CBX2: variants seen among roughly 807,000 people sequenced by gnomAD.
CBX2 encodes the protein chromobox protein homolog 2.
A neutral mutation model predicts 21.0 loss-of-function variants in CBX2; 11 were observed. The ratio of observed to expected loss-of-function variants is 0.52; its 90% CI spans 0.33 to 0.87. The LOEUF (loss-of-function observed/expected upper bound fraction) is 0.87, where lower values mean the gene tolerates loss of function less well. CBX2 is among the 40% of genes least tolerant of loss of function. The pLI is 0.02. For synonymous variants in CBX2, 364 were observed against 304.6 expected, an observed-to-expected ratio of 1.19 and a Z score of -2.03; for missense variants, 746 against 724.3, an observed-to-expected ratio of 1.03 and a Z score of -0.34.
At chr17:79,782,021 G>T (rs982816633) in intron 4 of CBX2, 3 of 1,614,046 alleles carry the variant, frequency 1.9e-6, no homozygotes, top group Non-Finnish European at 2.5e-6. Context: ...CCTCCCAGGG[G>T]CTTCCTGCTT....
At position 79,786,551 on chromosome 17, in the gene CBX2, C is replaced by G. The variant is rs1345039098; in HGVS notation, c.*1509C>G. ...TCTGACCAGTATCAGGATTTCTGTT[C>G]TGAGAGCAGCGTGGGCAGCAAGGCA... On this transcript the variant is annotated 3_prime_UTR_variant, in exon 5 of 5. Coordinates refer to ENST00000310942, the MANE Select transcript of CBX2 (RefSeq NM_005189.3). 1 of 152,748 alleles carries G rather than the reference C, an allele frequency of 6.5e-6. No individual in the cohort carries two copies. The highest frequency in any genetic ancestry group is 1.5e-5 in the Non-Finnish European group (1 of 68,118). The allele number at this position is 152,748 out of a possible 1,614,324, so 9.5% of individuals were successfully genotyped here. A position where few individuals can be genotyped will look rare whatever the true frequency, so the allele number is the denominator to read the frequency against.
Position 79,784,756 on chromosome 17 carries a change from G to T in CBX2, c.1313G>T (p.Ser438Ile), listed in dbSNP as rs782287402. ...RDCVKGSATP[S>I]GQESRTAPGE... ...TGTGTCAAGGGCAGTGCTACCCCCA[G>T]TGGGCAGGAGAGCCGCACAGCCCCC... is the stretch of plus-strand genomic sequence containing the variant. Residue 438 changes from serine (S) to isoleucine (I), a missense_variant, in exon 5 of 5, where the codon AGT becomes ATT. Ser to Ile is a moderately radical substitution (Grantham distance 142). Transcript: ENST00000310942. The surrounding 1 kb of genome is among the most constrained non-coding windows in gnomAD (Gnocchi z 5.9). The T allele has an allele frequency of 1.9e-5, 31 of 1,610,996 alleles. No homozygotes were observed. In the African/African-American group the frequency reaches 2.7e-4, roughly 14 times the overall value.
In CBX2 at chr17:79,779,389, C is replaced by T; in HGVS notation, c.144C>T (p.Asn48=). 2 of 1,613,920 alleles carry T rather than the reference C, an allele frequency of 1.2e-6. No homozygotes were observed. The highest frequency in any genetic ancestry group is 1.7e-6 in the Non-Finnish European group (2 of 1,179,992). The change falls in exon 3 of 5, where the codon AAC becomes AAT. Residue 48 remains asparagine, a synonymous_variant. Transcript: ENST00000310942. ...SKHNSWEPEE[N]ILDPRLLLAF... The stretch of plus-strand genomic sequence containing the variant: ...ATAACAGCTGGGAGCCGGAGGAGAA[C>T]ATCCTGGACCCGAGGCTGCTCCTGG...
chr17:79,780,873 C>T (rs1414762490), intron 3 of CBX2, among the ~76,000 whole-genome samples: 1 of 152,166 alleles, frequency 6.6e-6, no homozygotes, highest in Non-Finnish European at 1.5e-5. Flanking sequence ...AGGACCAGCA[C>T]TTAAGAGTAT....
In CBX2 at chr17:79,785,068, T is replaced by A. The variant is rs1555831492; in HGVS notation, c.*26T>A. 1.3e-6 allele frequency: 2 copies of A among 1,572,326 alleles called. No individual in the cohort carries two copies. The highest frequency in any genetic ancestry group is 1.7e-6 in the Non-Finnish European group (2 of 1,155,656). Reference sequence around the variant, plus strand: ...AGCCCCGGCGCCACCAGCTGCGCGGTCTTACTCCCCTTCCCTGCCTATGGT... The same window carrying A: ...AGCCCCGGCGCCACCAGCTGCGCGGACTTACTCCCCTTCCCTGCCTATGGT... On this transcript the variant is annotated 3_prime_UTR_variant, in exon 5 of 5. Coordinates refer to ENST00000310942, the MANE Select transcript of CBX2 (RefSeq NM_005189.3).
At chr17:79,779,464 A>G (rs782269541) in intron 3 of CBX2, 37 bp downstream of exon 3, 11 of 1,571,650 alleles carry the variant, frequency 7.0e-6, no homozygotes, top group East Asian at 2.2e-5. Context: ...GGTGTGGGGG[A>G]GGGACGGTGG....
At chr17:79,777,753 G>A (rs926452470), upstream of CBX2, among the ~76,000 whole-genome samples, 3 of 152,028 alleles carry the variant, frequency 2.0e-5, no homozygotes, top group Non-Finnish European at 4.4e-5. Flanking sequence ...CAGCCGCCGC[G>A]CCCCGTCCCG....
At chr17:79,782,563 T>C in intron 4 of CBX2, 12 of 1,001,688 alleles carry the variant, frequency 1.2e-5, no homozygotes, top group Non-Finnish European at 1.5e-5. Flanking sequence ...ACGAGCTCAG[T>C]CACTAACTGA....
chr17:79,781,951 C>T (rs1190277942), intron 4 of CBX2, 150 bp downstream of exon 4: 3 of 1,614,092 alleles, frequency 1.9e-6, no homozygotes, highest in African/African-American at 1.3e-5. Flanking sequence ...AGCCCCCTTT[C>T]TTCCTGTCTC....
In CBX2 at chr17:79,778,329, C is replaced by T. The variant is rs1906891152; in HGVS notation, c.72+22C>T. The T allele has an allele frequency of 6.4e-7, 1 of 1,565,636 alleles. No individual in the cohort carries two copies. The highest frequency in any genetic ancestry group is 1.2e-5 in the South Asian group (1 of 86,528). Reference sequence around the variant, plus strand: ...CAAGGTGCGTGCGGCCCGCCGGGCCCCCCGCCCGCCGCCCGCTGTCCGTCT... The same window carrying T: ...CAAGGTGCGTGCGGCCCGCCGGGCCTCCCGCCCGCCGCCCGCTGTCCGTCT... On this transcript the variant is annotated intron_variant, in intron 1 of 4. Coordinates refer to ENST00000310942, the MANE Select transcript of CBX2 (RefSeq NM_005189.3). This position sits in a 1 kb window ranked among gnomAD's most constrained non-coding sequence, Gnocchi z 4.8.
intron 3 of CBX2, 76 bp downstream of exon 3, chr17:79,779,503 G>T (rs782540087): frequency 4.3e-5 from 58 of 1,358,460 alleles, no homozygotes; most frequent in Middle Eastern, 2.3e-4. Flanking sequence ...GGCGCTGCTC[G>T]CCTGCCGGGA....
At position 79,787,364 on chromosome 17, in the gene CBX2, TTC is replaced by T. The variant is rs1907709452; in HGVS notation, c.*2324_*2325del. The T allele has an allele frequency of 6.6e-6, 1 of 152,656 alleles. No individual in the cohort carries two copies. Among genetic ancestry groups the T allele is most frequent in the Non-Finnish European group, 1.5e-5 (1 of 68,042 alleles). 9.5% of individuals were successfully genotyped at this position (152,656 alleles called of 1,614,324 possible). The stretch of plus-strand genomic sequence containing the variant: ...CTCTCCAGACCCTGATTCGGTGCCT[TTC>T]TGTTTACCAGCTACTTCAATCCCAA... On this transcript the variant is annotated 3_prime_UTR_variant, in exon 5 of 5. Coordinates refer to ENST00000310942, the MANE Select transcript of CBX2 (RefSeq NM_005189.3).
intron 3 of CBX2, 94 bp downstream of exon 3, chr17:79,779,521 G>T: frequency 1.7e-6 from 2 of 1,165,644 alleles, no homozygotes; most frequent in African/African-American, 1.5e-5. Context: ...GGAGGCTGGA[G>T]CTGGGGCTGT....
chr17:79,778,125 G>A (rs1163505205), upstream of CBX2: 1 of 362,250 alleles, frequency 2.8e-6, no homozygotes, highest in Non-Finnish European at 3.8e-6. The surrounding 1 kb of genome is among the most constrained non-coding windows in gnomAD (Gnocchi z 4.8). Context: ...CGTGCGCGGG[G>A]CGGGCCGGCG....
At chr17:79,782,469 G>A in intron 4 of CBX2, 1 of 1,236,620 alleles carries the variant, frequency 8.1e-7, no homozygotes, top group East Asian at 4.3e-5. Context: ...GACAGGATGG[G>A]GGAGGAGGGC....
rs1555829331 is a variant in CBX2 at position 79,778,221 on chromosome 17, T to TGGCTGCCGGGCA, written c.-13_-2dup. ...CTGGCGGCGGGCGCCGCGGTCGGGCTGGCTGCCGGGCAGCATGGAGGAGCT... is the reference window on the plus strand; with the variant it reads ...CTGGCGGCGGGCGCCGCGGTCGGGCTGGCTGCCGGGCAGGCTGCCGGGCAGCATGGAGGAGCT... On this transcript the variant is annotated 5_prime_UTR_variant, in exon 1 of 5. Transcript: ENST00000310942. The surrounding 1 kb of genome is among the most constrained non-coding windows in gnomAD (Gnocchi z 4.8). 1 of 1,357,168 alleles carries TGGCTGCCGGGCA rather than the reference T, an allele frequency of 7.4e-7. No homozygotes were observed. 84.1% of individuals were successfully genotyped at this position (1,357,168 alleles called of 1,614,324 possible). A position where few individuals can be genotyped will look rare whatever the true frequency, so the allele number is the denominator to read the frequency against.
At chr17:79,782,644 A>G in intron 4 of CBX2, 1 of 335,446 alleles carries the variant, frequency 3.0e-6, no homozygotes, top group Non-Finnish European at 4.5e-6. Context: ...GCTGGTCTAC[A>G]CTGGCCTTAC....
chr17:79,783,028 C>G (rs373353281), intron 4 of CBX2, among the ~76,000 whole-genome samples: 1 of 152,328 alleles, frequency 6.6e-6, no homozygotes, highest in East Asian at 1.9e-4. Context: ...GTGCATGCTA[C>G]TTAATACGAC....
rs190494725 is a variant in CBX2 at position 79,787,040 on chromosome 17, G to C, written c.*1998G>C. ...GTCCCAGATAGCTAGGCCAGAGCTG[G>C]AAGCAGACAGTAAGGGGAAGAGCTG... On this transcript the variant is annotated 3_prime_UTR_variant, in exon 5 of 5. Coordinates refer to ENST00000310942, the MANE Select transcript of CBX2 (RefSeq NM_005189.3). 3.3e-5 allele frequency: 5 copies of C among 152,694 alleles called. No individual in the cohort carries two copies. The highest frequency in any genetic ancestry group is 9.6e-5 in the African/African-American group (4 of 41,590). 9.5% of individuals were successfully genotyped at this position (152,694 alleles called of 1,614,324 possible).
Sources: gnomAD v4.1 joint callset for allele counts (sites outside exome capture counted in the v4.1 genomes callset) on GRCh38, gnomAD v4.1.1 for gene constraint, Gnocchi (gnomAD v3.1) non-coding constraint, MANE v1.5 for transcripts, NCBI Gene and HGNC (gene_info 2026-07-23, HGNC 2026-07-21) for gene names.